PRSS55: variants seen among roughly 807,000 people sequenced by gnomAD.
PRSS55 encodes probable serine protease UNQ9391/PRO34284.
Under a neutral mutation model 23.6 loss-of-function variants are expected in PRSS55, and 41 were observed. The ratio of observed to expected loss-of-function variants is 1.74; its 90% CI spans 1.35 to 2.26. The LOEUF (loss-of-function observed/expected upper bound fraction) is 2.26. Among genes scored for constraint, PRSS55 ranks in the 30% most tolerant of loss-of-function variants. The pLI is 0.00. For missense variants in PRSS55, 669 were observed against 439.1 expected (o/e 1.52, Z -4.68); for synonymous variants, 262 against 175.5 (o/e 1.49, Z -3.90).
chr8:10,531,869 G>A (rs1260457330), intron 3 of PRSS55, among the ~76,000 whole-genome samples: 6 of 152,336 alleles, frequency 3.9e-5, no homozygotes, highest in African/African-American at 1.4e-4. Flanking sequence ...CCACGGGTAT[G>A]TTTCCTACCT....
intron 4 of PRSS55, among the ~76,000 whole-genome samples, chr8:10,536,949 T>A (rs1379617712): frequency 6.6e-6 from 1 of 152,224 alleles, no homozygotes; most frequent in Non-Finnish European, 1.5e-5. Flanking sequence ...GATTAAATCA[T>A]TTGTACACCA....
At chr8:10,552,180 C>A (rs1164770073) in intron 4 of PRSS55, among the ~76,000 whole-genome samples, 1 of 152,206 alleles carries the variant, frequency 6.6e-6, no homozygotes, top group Non-Finnish European at 1.5e-5. Flanking sequence ...ACGCTGGGAT[C>A]CATTTGACTG....
At position 10,525,738 on chromosome 8, in the gene PRSS55, T is replaced by C; in HGVS notation, c.153T>C (p.Ser51=). The C allele has an allele frequency of 6.2e-7, 1 of 1,603,144 alleles. No homozygotes were observed. Among genetic ancestry groups the C allele is most frequent in the Non-Finnish European group, 8.5e-7 (1 of 1,174,970 alleles). The stretch of plus-strand genomic sequence containing the variant: ...CCCCTCATCCCCCCAGCCCAGTCAG[T>C]GGTGAGTACAGGGGCAGAAGGGGCA... ...PQPPHPPSPV[S]ECGDRSIFEG... Residue 51 remains serine, a splice_region_variant and synonymous_variant, in exon 1 of 5, where the codon AGT becomes AGC. Coordinates refer to ENST00000328655, the MANE Select transcript of PRSS55 (RefSeq NM_198464.4).
chr8:10,550,221 C>T (rs1812922460), intron 4 of PRSS55, among the ~76,000 whole-genome samples: 1 of 152,224 alleles, frequency 6.6e-6, no homozygotes, highest in African/African-American at 2.4e-5. Flanking sequence ...TTGCGCCCGG[C>T]CCACAGGGCA....
At position 10,525,566 on chromosome 8, in the gene PRSS55, C is replaced by G. The variant is rs1563531968; in HGVS notation, c.-20C>G. Reference sequence around the variant, plus strand: ...GCCCTGGCCTCTGTCACCCCCGGGCCCACAGCACAGCCCAGGGCCATGCTC... The same window carrying G: ...GCCCTGGCCTCTGTCACCCCCGGGCGCACAGCACAGCCCAGGGCCATGCTC... On this transcript the variant is annotated 5_prime_UTR_variant, in exon 1 of 5. Coordinates refer to ENST00000328655, the MANE Select transcript of PRSS55 (RefSeq NM_198464.4). 1 of 1,607,808 alleles carries G rather than the reference C, an allele frequency of 6.2e-7. No individual in the cohort carries two copies. Among genetic ancestry groups the G allele is most frequent in the Non-Finnish European group, 8.5e-7 (1 of 1,175,490 alleles).
chr8:10,542,117 A>G (rs1211392931), downstream of PRSS55, among the ~76,000 whole-genome samples: 1 of 152,188 alleles, frequency 6.6e-6, no homozygotes, highest in Non-Finnish European at 1.5e-5. Flanking sequence ...CATGATATGG[A>G]AATTGTCAGT....
intron 4 of PRSS55, among the ~76,000 whole-genome samples, chr8:10,547,892 G>A (rs1436768618): frequency 6.6e-6 from 1 of 152,100 alleles, no homozygotes; most frequent in Non-Finnish European, 1.5e-5. Context: ...CGACACTCTA[G>A]GGGAACAGAC....
At chr8:10,546,855 A>AT (rs989037237) in intron 4 of PRSS55, among the ~76,000 whole-genome samples, 1 of 151,794 alleles carries the variant, frequency 6.6e-6, no homozygotes, top group Non-Finnish European at 1.5e-5. Context: ...CTAGCTAATT[A>AT]TTTTTTGTAG....
chr8:10,536,430 G>C (rs997963143), intron 4 of PRSS55, among the ~76,000 whole-genome samples: 1 of 152,174 alleles, frequency 6.6e-6, no homozygotes, highest in African/African-American at 2.4e-5. Context: ...TAAATTATTA[G>C]TTCAGCCACT....
At chr8:10,538,190 ATCTC>A (rs1812521475) in intron 4 of PRSS55, among the ~76,000 whole-genome samples, 1 of 152,102 alleles carries the variant, frequency 6.6e-6, no homozygotes, top group Non-Finnish European at 1.5e-5. Flanking sequence ...CTTGGCCTGC[ATCTC>A]TCTGTGCTGC....
chr8:10,529,778 G>A (rs1812182911), intron 2 of PRSS55, 79 bp downstream of exon 2: 1 of 1,403,536 alleles, frequency 7.1e-7, no homozygotes, highest in Non-Finnish European at 9.9e-7. Flanking sequence ...CACACCTGGT[G>A]GCTGAGAGGA....
chr8:10,543,415 T>TTTCTTTTCTTTTC (rs1491297830), downstream of PRSS55, among the ~76,000 whole-genome samples: 24 of 37,864 alleles, frequency 6.3e-4, 1 homozygote, highest in Admixed American at 1.2e-3. Context: ...CTTTCTTTCT[T>TTTCTTTTCTTTTC]CTTTCTTTCT....
chr8:10,537,508 G>A (rs1040520509), intron 4 of PRSS55, among the ~76,000 whole-genome samples: 4 of 152,170 alleles, frequency 2.6e-5, no homozygotes, highest in African/African-American at 9.7e-5. Flanking sequence ...AACACAGTTA[G>A]TTAGAATGAA....
intron 4 of PRSS55, among the ~76,000 whole-genome samples, chr8:10,546,510 G>A (rs1308232973): frequency 6.6e-6 from 1 of 152,066 alleles, no homozygotes; most frequent in African/African-American, 2.4e-5. Context: ...TCCAGCATCC[G>A]AAAACTGACC....
At chr8:10,527,536 A>G (rs1193400726) in intron 1 of PRSS55, among the ~76,000 whole-genome samples, 1 of 152,264 alleles carries the variant, frequency 6.6e-6, no homozygotes, top group Non-Finnish European at 1.5e-5. Flanking sequence ...AGGGGCTGTT[A>G]TAGACACAGG....
chr8:10,533,019 T>A lies in PRSS55; in HGVS notation c.712T>A (p.Tyr238Asn). 1 of 1,614,224 alleles carries A rather than the reference T, an allele frequency of 6.2e-7. No individual in the cohort carries two copies. Among genetic ancestry groups the A allele is most frequent in the Non-Finnish European group, 8.5e-7 (1 of 1,180,028 alleles). Residue 238 changes from tyrosine (Y) to asparagine (N), a missense_variant, in exon 4 of 5, where the codon TAC becomes AAC. Coordinates refer to ENST00000328655, the MANE Select transcript of PRSS55 (RefSeq NM_198464.4). ...KLTKNMLCAG[Y>N]KNESYDACKG... ...TACCAAAAATATGCTGTGTGCCGGA[T>A]ACAAGAATGAGAGCTATGATGCCTG...
At chr8:10,546,373 C>T (rs914151286) in intron 4 of PRSS55, among the ~76,000 whole-genome samples, 76 of 152,174 alleles carry the variant, frequency 5.0e-4, no homozygotes, top group African/African-American at 1.8e-3. Context: ...CTATAACCCT[C>T]AGCGCTAGCC....
chr8:10,553,147 AGT>A (rs1812987667), intron 4 of PRSS55, among the ~76,000 whole-genome samples: 1 of 152,138 alleles, frequency 6.6e-6, no homozygotes, highest in Non-Finnish European at 1.5e-5. Context: ...ATAGTGAGTG[AGT>A]TCTCACGAGA....
Position 10,531,467 on chromosome 8 carries a change from C to G in PRSS55, c.520C>G (p.Pro174Ala). The G allele has an allele frequency of 5.0e-6, 8 of 1,614,072 alleles. No individual in the cohort carries two copies. Among genetic ancestry groups the G allele is most frequent in the Non-Finnish European group, 6.8e-6 (8 of 1,180,054 alleles). The part of the protein sequence containing the change: ...SPIKLDDLKV[P>A]ICLPTQPGPA... ...CATCAAGCTCGATGACCTGAAGGTG[C>G]CCATCTGCCTCCCCACGCAGCCCGG... Residue 174 changes from proline (P) to alanine (A), a missense_variant, in exon 3 of 5, where the codon CCC becomes GCC. By Grantham distance (27) the Pro-to-Ala change is conservative. Transcript: ENST00000328655.
Sources: gnomAD v4.1 joint callset for allele counts (sites outside exome capture counted in the v4.1 genomes callset) on GRCh38, gnomAD v4.1.1 for gene constraint, MANE v1.5 for transcripts, NCBI Gene and HGNC (gene_info 2026-07-23, HGNC 2026-07-21) for gene names.